KIF1B: variants seen among roughly 807,000 people sequenced by gnomAD.
KIF1B encodes kinesin family member 1B, also known as kinesin-like protein KIF1B.
Under a neutral mutation model 241.9 loss-of-function variants are expected in KIF1B, and 76 were observed. That is an observed-to-expected ratio of 0.31 (90% confidence interval 0.26 to 0.38). The LOEUF (loss-of-function observed/expected upper bound fraction) is 0.38. Ranked by LOEUF, KIF1B falls within the 10% of genes least tolerant of loss-of-function variation. The pLI, the probability that KIF1B is intolerant of heterozygous loss-of-function variation, is 1.00. For synonymous variants in KIF1B, 750 were observed against 796.7 expected, an observed-to-expected ratio of 0.94 and a Z score of 0.99; for missense variants, 1,622 against 2,271.4, an observed-to-expected ratio of 0.71 and a Z score of 5.81.
At chr1:10,244,467 A>G (rs1413782021) in intron 2 of KIF1B, among the ~76,000 whole-genome samples, 2 of 151,406 alleles carry the variant, frequency 1.3e-5, no homozygotes, top group Non-Finnish European at 2.9e-5. Flanking sequence ...GGCATGCACT[A>G]CTACGCCCGG....
chr1:10,242,115 C>T (rs138095623), intron 2 of KIF1B, among the ~76,000 whole-genome samples: 1 of 152,080 alleles, frequency 6.6e-6, no homozygotes, highest in East Asian at 1.9e-4. Flanking sequence ...TTTGAGAGCA[C>T]CTATAGGAAA....
At chr1:10,347,236 A>G (rs1299829734) in intron 35 of KIF1B, among the ~76,000 whole-genome samples, 1 of 152,190 alleles carries the variant, frequency 6.6e-6, no homozygotes, top group African/African-American at 2.4e-5. Context: ...AACCACCATC[A>G]TGGTCATCAT....
At chr1:10,264,309 A>G (rs911213089) in intron 5 of KIF1B, among the ~76,000 whole-genome samples, 6 of 152,222 alleles carry the variant, frequency 3.9e-5, no homozygotes, top group African/African-American at 1.2e-4. Context: ...CAGTGCCTGT[A>G]AGAGAACGGT....
intron 15 of KIF1B, among the ~76,000 whole-genome samples, chr1:10,283,199 T>G (rs1569698765): frequency 1.0e-5 from 1 of 95,916 alleles, no homozygotes; most frequent in Admixed American, 1.5e-4. Context: ...ACAGTGAGAC[T>G]CCGTCTCAAA....
At chr1:10,361,544 A>T in intron 39 of KIF1B, 148 bp from the exon 40 acceptor site, 1 of 866,984 alleles carries the variant, frequency 1.2e-6, no homozygotes, top group Non-Finnish European at 1.9e-6. Context: ...TGCACATATT[A>T]TCCATTGGGT....
chr1:10,274,250 C>T (rs573305919), intron 10 of KIF1B, among the ~76,000 whole-genome samples: 1 of 152,108 alleles, frequency 6.6e-6, no homozygotes, highest in Non-Finnish European at 1.5e-5. Context: ...CCCTTAATAT[C>T]TTCTTAAAGT....
At chr1:10,223,013 G>A (rs1646864552) in intron 1 of KIF1B, among the ~76,000 whole-genome samples, 3 of 152,182 alleles carry the variant, frequency 2.0e-5, no homozygotes, top group South Asian at 2.1e-4. Flanking sequence ...CAGCACTTTG[G>A]GAGGCCGAGG....
chr1:10,327,194 G>A (rs144277317), intron 27 of KIF1B, among the ~76,000 whole-genome samples: 5 of 151,784 alleles, frequency 3.3e-5, no homozygotes, highest in South Asian at 4.2e-4. Flanking sequence ...CATGAAACCC[G>A]TCTCTACTAA....
chr1:10,337,049 G>A lies in KIF1B; in HGVS notation c.3130-25G>A, dbSNP rs1370879888. The A allele has an allele frequency of 6.2e-7, 1 of 1,614,048 alleles. No homozygotes were observed. The highest frequency in any genetic ancestry group is 8.5e-7 in the Non-Finnish European group (1 of 1,179,994). Reference sequence around the variant, plus strand: ...ATACGTTTTTATACTACTTTACCATGTATCTGCCCCTGCCTTTTTTTCAGA... The same window carrying A: ...ATACGTTTTTATACTACTTTACCATATATCTGCCCCTGCCTTTTTTTCAGA... On this transcript the variant is annotated intron_variant, in intron 29 of 48. Transcript: ENST00000676179. This position sits in a 1 kb window ranked among gnomAD's most constrained non-coding sequence, Gnocchi z 4.0.
At chr1:10,298,621 T>A (rs1650383497) in intron 22 of KIF1B, among the ~76,000 whole-genome samples, 1 of 152,152 alleles carries the variant, frequency 6.6e-6, no homozygotes, top group Admixed American at 6.5e-5. Context: ...CACAAGAAGA[T>A]GTCTTTTATC....
chr1:10,368,213 C>T (rs1228690636), intron 43 of KIF1B, among the ~76,000 whole-genome samples: 1 of 151,208 alleles, frequency 6.6e-6, no homozygotes, highest in Non-Finnish European at 1.5e-5. Context: ...CCCCTCCTGC[C>T]TTGTATCCAG....
At chr1:10,296,788 C>T in intron 20 of KIF1B, 109 bp from the exon 21 acceptor site, 1 of 1,383,348 alleles carries the variant, frequency 7.2e-7, no homozygotes, top group Admixed American at 1.9e-5. Flanking sequence ...CTTGTAAAAA[C>T]AACAGCTCTG....
At chr1:10,313,616 T>C (rs1406658008) in intron 22 of KIF1B, among the ~76,000 whole-genome samples, 1 of 141,678 alleles carries the variant, frequency 7.1e-6, no homozygotes, top group African/African-American at 2.7e-5. Flanking sequence ...AGTGGCGCAA[T>C]CTCGGCTCAC....
chr1:10,281,757 G>A (rs1386530771), intron 14 of KIF1B, among the ~76,000 whole-genome samples: 1 of 152,028 alleles, frequency 6.6e-6, no homozygotes, highest in East Asian at 1.9e-4. Context: ...AATCCTTTTA[G>A]CATGTTGAAA....
Position 10,371,173 on chromosome 1 carries a change from C to G in KIF1B, c.4857C>G (p.Pro1619=), listed in dbSNP as rs1338494416. 3.1e-6 allele frequency: 5 copies of G among 1,614,114 alleles called. No homozygotes were observed. The East Asian group carries it at 6.7e-5, about 22-fold the overall frequency. The change falls in exon 45 of 49, where the codon CCC becomes CCG. Residue 1619 remains proline (P), a synonymous_variant. Transcript: ENST00000676179. ...ATATCTCTCCAATTGGACGGGATCCCTCTGAGTCCAGTTTCAGCAGTGCCA... is the reference window on the plus strand; with the variant it reads ...ATATCTCTCCAATTGGACGGGATCCGTCTGAGTCCAGTTTCAGCAGTGCCA... ...LSDISPIGRD[P]SESSFSSATL... is the part of the protein sequence containing the mutation.
chr1:10,312,584 G>A lies in KIF1B; in HGVS notation c.2116-7459G>A, dbSNP rs554372009. On this transcript the variant is annotated intron_variant, in intron 22 of 48. Transcript: ENST00000676179. The stretch of plus-strand genomic sequence containing the variant: ...CATCTCCTACCCGTCTCCCTACTCT[G>A]CCATTCCATCCACACAAGTTTTCTT... Among the ~76,000 whole-genome samples, 43 of 151,578 alleles carry A rather than the reference G, an allele frequency of 2.8e-4. 3 individuals carry two copies. Among genetic ancestry groups the A allele is most frequent in the African/African-American group, 1.0e-3 (42 of 40,890 alleles).
rs537713383 is a variant in KIF1B at position 10,278,225 on chromosome 1, C to G, written c.1180+97C>G. ...TTAAAATAAACTTCAAGTTAAGGAG[C>G]ATGATGAAGCTAAATGGTAGTGAAA... On this transcript the variant is annotated intron_variant, in intron 13 of 48. Coordinates refer to ENST00000676179, the MANE Select transcript of KIF1B (RefSeq NM_001365951.3). 1.3e-5 allele frequency: 16 copies of G among 1,254,436 alleles called. No homozygotes were observed. In the African/African-American group the frequency reaches 1.9e-4, roughly 15 times the overall value. 77.7% of individuals were successfully genotyped at this position (1,254,436 alleles called of 1,614,324 possible).
chr1:10,243,049 A>G (rs1346291070), intron 2 of KIF1B, among the ~76,000 whole-genome samples: 5 of 152,188 alleles, frequency 3.3e-5, no homozygotes, highest in African/African-American at 9.7e-5. Context: ...TCCACACCAC[A>G]TTGTTCCGGT....
chr1:10,325,520 C>G (rs1651693069), intron 26 of KIF1B, among the ~76,000 whole-genome samples: 1 of 152,106 alleles, frequency 6.6e-6, no homozygotes, highest in African/African-American at 2.4e-5. Flanking sequence ...GCAGAAAACC[C>G]TGTGATGTTT....
Sources: gnomAD v4.1 joint callset for allele counts (sites outside exome capture counted in the v4.1 genomes callset) on GRCh38, gnomAD v4.1.1 for gene constraint, Gnocchi (gnomAD v3.1) non-coding constraint, MANE v1.5 for transcripts, NCBI Gene and HGNC (gene_info 2026-07-23, HGNC 2026-07-21) for gene names.